The following NPAS3 variants were observed in gnomAD, a reference collection of about 807,000 sequenced individuals.
The protein encoded by NPAS3 is neuronal PAS domain-containing protein 3.
A neutral mutation model predicts 73.1 loss-of-function variants in NPAS3; 14 were observed. The observed-to-expected ratio is 0.19, with a 90% confidence interval of 0.13 to 0.30. NPAS3 has a LOEUF of 0.30. NPAS3 is among the 10% of genes least tolerant of loss of function. The pLI is 1.00. For synonymous variants in NPAS3, 620 were observed against 541.5 expected (o/e 1.14, Z -2.01); for missense variants, 1,096 against 1,250.0 (o/e 0.88, Z 1.86).
intron 5 of NPAS3, among the ~76,000 whole-genome samples, chr14:33,670,660 G>A (rs1331274086): frequency 1.3e-5 from 2 of 151,324 alleles, no homozygotes; most frequent in Admixed American, 6.6e-5. Flanking sequence ...GACCTGCTGT[G>A]GTGAGATAGA....
At chr14:33,329,837 A>C (rs1004035147) in intron 3 of NPAS3, among the ~76,000 whole-genome samples, 1 of 152,064 alleles carries the variant, frequency 6.6e-6, no homozygotes, top group Non-Finnish European at 1.5e-5. Context: ...AGAGAGAGAG[A>C]GAGAAGTGCT....
chr14:33,577,157 G>A (rs2056468398), intron 5 of NPAS3, among the ~76,000 whole-genome samples: 1 of 152,124 alleles, frequency 6.6e-6, no homozygotes, highest in Admixed American at 6.6e-5. Flanking sequence ...GAAATATGGT[G>A]TTCTTTAATT....
rs77280943 is a variant in NPAS3 at position 33,567,821 on chromosome 14, A to G, written c.558+7611A>G. 5.2e-3 allele frequency among the ~76,000 whole-genome samples: 793 copies of G among 152,328 alleles called. 38 individuals are homozygous for G. The East Asian group carries it at 0.12, about 23-fold the overall frequency. ...TAACAGGTCTTCAGAGTAGACCACTATCTGTGAAAGAGAATGAAAGAAATG... is the reference window on the plus strand; with the variant it reads ...TAACAGGTCTTCAGAGTAGACCACTGTCTGTGAAAGAGAATGAAAGAAATG... On this transcript the variant is annotated intron_variant, in intron 5 of 11. Coordinates refer to ENST00000356141, the Ensembl canonical transcript of NPAS3.
At position 33,476,538 on chromosome 14, in the gene NPAS3, T is replaced by G. The variant is rs143806348; in HGVS notation, c.469-83583T>G. 5.7e-4 allele frequency among the ~76,000 whole-genome samples: 87 copies of G among 152,308 alleles called. 1 individual carries two copies. In the East Asian group the frequency reaches 0.016, roughly 28 times the overall value. On this transcript the variant is annotated intron_variant, in intron 4 of 11. Transcript: ENST00000356141. ...TTGATCATACTTGAACACTACTTAA[T>G]GGAAAAAATACACCCCTCTATTGTC...
At chr14:33,131,568 T>C (rs1354006650) in intron 2 of NPAS3, among the ~76,000 whole-genome samples, 5 of 152,264 alleles carry the variant, frequency 3.3e-5, no homozygotes, top group Middle Eastern at 3.4e-3. Flanking sequence ...CCAGATACAT[T>C]TGTAGAGAGA....
intron 6 of NPAS3, among the ~76,000 whole-genome samples, chr14:33,677,861 T>C (rs2059813262): frequency 6.6e-6 from 1 of 152,220 alleles, no homozygotes; most frequent in African/African-American, 2.4e-5. Flanking sequence ...GCTCACTGAC[T>C]TTACTGAGCA....
chr14:33,083,796 G>A (rs2041937903), intron 2 of NPAS3, among the ~76,000 whole-genome samples: 2 of 152,246 alleles, frequency 1.3e-5, no homozygotes, highest in Middle Eastern at 3.4e-3. Context: ...GTACCACTGG[G>A]ACCCCCAGAG....
intron 1 of NPAS3, among the ~76,000 whole-genome samples, chr14:32,958,533 C>T (rs555465371): frequency 1.3e-5 from 2 of 152,284 alleles, no homozygotes; most frequent in East Asian, 3.9e-4. Flanking sequence ...GTTTTCTACT[C>T]GTCTCATTCT....
At chr14:33,731,745 G>A (rs2061407785) in intron 6 of NPAS3, among the ~76,000 whole-genome samples, 1 of 152,176 alleles carries the variant, frequency 6.6e-6, no homozygotes, top group South Asian at 2.1e-4. Flanking sequence ...TACTTTTGCT[G>A]TAAATTTTCC....
intron 1 of NPAS3, among the ~76,000 whole-genome samples, chr14:33,053,421 C>A (rs1595339737): frequency 6.6e-6 from 1 of 152,152 alleles, no homozygotes; most frequent in South Asian, 2.1e-4. Context: ...CTACCTCAAG[C>A]TGTATGATGA....
At chr14:33,449,918 G>A (rs190400424) in intron 4 of NPAS3, among the ~76,000 whole-genome samples, 10 of 152,264 alleles carry the variant, frequency 6.6e-5, no homozygotes, top group Non-Finnish European at 2.9e-5. Flanking sequence ...GTGTTCCGAC[G>A]TGTTATGATT....
At chr14:33,256,445 A>G (rs2048784615) in intron 3 of NPAS3, among the ~76,000 whole-genome samples, 1 of 152,236 alleles carries the variant, frequency 6.6e-6, no homozygotes, top group Non-Finnish European at 1.5e-5. Flanking sequence ...ATTTAAATCT[A>G]AGAAATGGTG....
At chr14:33,069,057 G>A (rs535030577) in intron 2 of NPAS3, among the ~76,000 whole-genome samples, 2 of 152,186 alleles carry the variant, frequency 1.3e-5, no homozygotes, top group South Asian at 4.1e-4. Flanking sequence ...TCTAGTTACT[G>A]GCTGAGCATA....
In NPAS3 at chr14:33,113,893, T is replaced by C. The variant is rs1048137048; in HGVS notation, c.140+57899T>C. On this transcript the variant is annotated intron_variant, in intron 2 of 11. Transcript: ENST00000356141. ...TTAGCATGAAGGTTGTTGAATTTTGTCAAAGGCCTTTTCTGCATCTATTGA... is the reference window on the plus strand; with the variant it reads ...TTAGCATGAAGGTTGTTGAATTTTGCCAAAGGCCTTTTCTGCATCTATTGA... Among the ~76,000 whole-genome samples, 40 of 152,228 alleles carry C rather than the reference T, an allele frequency of 2.6e-4. 1 individual carries two copies. Among genetic ancestry groups the C allele is most frequent in the African/African-American group, 9.2e-4 (38 of 41,462 alleles).
chr14:33,503,006 CTT>C (rs2052591333), intron 4 of NPAS3, among the ~76,000 whole-genome samples: 1 of 151,608 alleles, frequency 6.6e-6, no homozygotes, highest in Admixed American at 6.6e-5. Context: ...TCCTTGTTGC[CTT>C]TTCTTCATGA....
At chr14:33,161,384 A>G (rs902771858) in intron 2 of NPAS3, among the ~76,000 whole-genome samples, 1 of 152,222 alleles carries the variant, frequency 6.6e-6, no homozygotes. Flanking sequence ...AATCATTGAT[A>G]CTAATTAACT....
Position 33,308,527 on chromosome 14 carries a change from T to TATATATATATATATATATATACAC in NPAS3, c.386-58658_386-58657insTATATATATATATATATATACACA. Among the ~76,000 whole-genome samples, 422 of 103,404 alleles carry TATATATATATATATATATATACAC rather than the reference T, an allele frequency of 4.1e-3. 2 individuals are homozygous for TATATATATATATATATATATACAC. The highest frequency in any genetic ancestry group is 5.9e-3 in the Non-Finnish European group (314 of 53,278). The allele number at this position is 103,404 out of a possible 152,430, so 67.8% of individuals were successfully genotyped here. A position where few individuals can be genotyped will look rare whatever the true frequency, so the allele number is the denominator to read the frequency against. On this transcript the variant is annotated intron_variant, in intron 3 of 11. Coordinates refer to ENST00000356141, the Ensembl canonical transcript of NPAS3. ...TGCATAGTTTATATATATATATATA[T>TATATATATATATATATATATACAC]ACATACACACACACACACACACACA... is the stretch of plus-strand genomic sequence containing the variant.
At position 33,435,713 on chromosome 14, in the gene NPAS3, A is replaced by G. The variant is rs1018034448; in HGVS notation, c.468+68445A>G. ...CTTTACCCAAGGGTGGAGACAGACA[A>G]ATGTATATAATTAAACCAAACATGC... On this transcript the variant is annotated intron_variant, in intron 4 of 11. Coordinates refer to ENST00000356141, the Ensembl canonical transcript of NPAS3. Among the ~76,000 whole-genome samples, 3 of 152,130 alleles carry G rather than the reference A, an allele frequency of 2.0e-5. No individual in the cohort carries two copies. The East Asian group carries it at 5.8e-4, about 29-fold the overall frequency.
intron 4 of NPAS3, among the ~76,000 whole-genome samples, chr14:33,525,714 C>T (rs2140135611): frequency 6.6e-6 from 1 of 152,210 alleles, no homozygotes; most frequent in East Asian, 1.9e-4. Context: ...TTGTAGGACA[C>T]ATAAAACCTA....
Sources: gnomAD v4.1 joint callset for allele counts (sites outside exome capture counted in the v4.1 genomes callset) on GRCh38, gnomAD v4.1.1 for gene constraint, MANE v1.5 for transcripts, NCBI Gene and HGNC (gene_info 2026-07-23, HGNC 2026-07-21) for gene names.